Variants in SPANXN1 observed in about 807,000 individuals in gnomAD.
SPANXN1 encodes the protein SPANX family member N1, also known as sperm protein associated with the nucleus on the X chromosome N1.
A neutral mutation model predicts 2.0 loss-of-function variants in SPANXN1; 1 was observed. That is an observed-to-expected ratio of 0.50 (90% CI 0.18 to 2.36). The LOEUF is 2.36. Ranked by LOEUF, SPANXN1 falls within the 30% of genes most tolerant of loss-of-function variation. The pLI, the probability that SPANXN1 is intolerant of heterozygous loss-of-function variation, is 0.26. For missense variants in SPANXN1, 55 were observed against 51.8 expected, an observed-to-expected ratio of 1.06 and a Z score of -0.19; for synonymous variants, 27 against 21.3, an observed-to-expected ratio of 1.27 and a Z score of -0.74.
intron 1 of SPANXN1, among the ~76,000 whole-genome samples, chrX:145,248,798 G>A (rs182150483): frequency 1.8e-3 from 195 of 111,425 alleles, no homozygotes; most frequent in Non-Finnish European, 2.8e-3. Context: ...GAGAGAGAGG[G>A]GGAAATGGGT....
intron 1 of SPANXN1, among the ~76,000 whole-genome samples, chrX:145,251,416 T>C (rs2070785268): frequency 1.8e-5 from 2 of 111,728 alleles, no homozygotes; most frequent in African/African-American, 6.5e-5. Flanking sequence ...GCAATAGTAA[T>C]GTGTTGGTAA....
At position 145,249,743 on chromosome X, in the gene SPANXN1, G is replaced by GC. The variant is rs1189544479; in HGVS notation, c.75+2082_75+2083insC. ...AGAACCCCTCCACTTAGGTTGGAGA[G>GC]GGAGGAGGAGGAGTCTGTGATTCAG... On this transcript the variant is annotated intron_variant, in intron 1 of 1. Transcript: ENST00000370493. Among the ~76,000 whole-genome samples, 526 of 110,541 alleles carry GC rather than the reference G, an allele frequency of 4.8e-3. 3 individuals are homozygous for GC. Among genetic ancestry groups the GC allele is most frequent in the African/African-American group, 0.016 (476 of 30,323 alleles).
intron 1 of SPANXN1, 99 bp downstream of exon 1, chrX:145,247,760 T>G: frequency 1.0e-6 from 1 of 981,298 alleles, no homozygotes; most frequent in Non-Finnish European, 1.4e-6. Flanking sequence ...CAGACACCTG[T>G]GGAAGTGGGA....
At chrX:145,250,099 C>T (rs782673218) in intron 1 of SPANXN1, among the ~76,000 whole-genome samples, 6 of 110,850 alleles carry the variant, frequency 5.4e-5, no homozygotes, top group South Asian at 3.8e-4. Context: ...CCTGAAGATT[C>T]GGAGTGGTAA....
At chrX:145,255,190 T>G (rs1292341344) in intron 1 of SPANXN1, among the ~76,000 whole-genome samples, 2 of 111,608 alleles carry the variant, frequency 1.8e-5, no homozygotes, top group African/African-American at 6.5e-5. Context: ...CTTACAGGTA[T>G]GGGTGGGAGG....
At chrX:145,253,280 G>C (rs2070793615) in intron 1 of SPANXN1, among the ~76,000 whole-genome samples, 1 of 111,004 alleles carries the variant, frequency 9.0e-6, no homozygotes, top group Non-Finnish European at 1.9e-5. Context: ...TGTATGCCTT[G>C]GGAACCCTGT....
At chrX:145,248,552 G>T (rs1394896188) in intron 1 of SPANXN1, among the ~76,000 whole-genome samples, 1 of 111,998 alleles carries the variant, frequency 8.9e-6, no homozygotes, top group Admixed American at 9.5e-5. Flanking sequence ...TGGATGGTCT[G>T]CTTGTTAGGC....
intron 1 of SPANXN1, among the ~76,000 whole-genome samples, chrX:145,248,864 T>C (rs1395767394): frequency 9.0e-6 from 1 of 111,065 alleles, no homozygotes; most frequent in African/African-American, 3.3e-5. Context: ...CAGGTTGCAG[T>C]TGAGGGAATT....
At chrX:145,247,735 A>G (rs1486660996) in intron 1 of SPANXN1, 74 bp downstream of exon 1, 85 of 1,061,117 alleles carry the variant, frequency 8.0e-5, no homozygotes, top group Non-Finnish European at 1.1e-4. Context: ...CTCAAACAGC[A>G]ACACAGGAAT....
chrX:145,251,975 T>A (rs1344934294), intron 1 of SPANXN1, among the ~76,000 whole-genome samples: 2 of 111,190 alleles, frequency 1.8e-5, no homozygotes, highest in Non-Finnish European at 3.8e-5. Context: ...TACCTGAGAT[T>A]TTGTGGGTTA....
chrX:145,252,369 T>C (rs782264189), intron 1 of SPANXN1, among the ~76,000 whole-genome samples: 57 of 110,907 alleles, frequency 5.1e-4, no homozygotes, highest in African/African-American at 1.8e-3. Flanking sequence ...ACCAGATGGA[T>C]TGGTACCACT....
intron 1 of SPANXN1, among the ~76,000 whole-genome samples, chrX:145,248,705 C>G (rs782047939): frequency 1.2e-4 from 13 of 112,065 alleles, no homozygotes; most frequent in Non-Finnish European, 1.5e-4. Flanking sequence ...CCTCCAAGTT[C>G]AATAGCTGCC....
At chrX:145,248,084 G>A (rs2070769635) in intron 1 of SPANXN1, among the ~76,000 whole-genome samples, 1 of 111,818 alleles carries the variant, frequency 8.9e-6, no homozygotes, top group African/African-American at 3.3e-5. Context: ...AAAATAGCAG[G>A]GTGCTTACTA....
Position 145,255,892 on chromosome X carries a change from A to C in SPANXN1, c.*78A>C. ...CTGAAGGATCTTCAAAGCAGGATGA[A>C]GACCTAGACTTACCTGAAGGCCTAG... On this transcript the variant is annotated 3_prime_UTR_variant, in exon 2 of 2. Transcript: ENST00000370493. The C allele has an allele frequency of 1.7e-6, 2 of 1,206,331 alleles. No individual in the cohort carries two copies. Among genetic ancestry groups the C allele is most frequent in the Non-Finnish European group, 2.2e-6 (2 of 890,909 alleles).
chrX:145,252,979 C>T (rs1358428359), intron 1 of SPANXN1, among the ~76,000 whole-genome samples: 1 of 111,134 alleles, frequency 9.0e-6, no homozygotes, highest in Non-Finnish European at 1.9e-5. Context: ...TATTGAGCAT[C>T]CAATAGGAAA....
At chrX:145,250,033 C>A (rs1377165619) in intron 1 of SPANXN1, among the ~76,000 whole-genome samples, 3 of 111,207 alleles carry the variant, frequency 2.7e-5, no homozygotes, top group Non-Finnish European at 5.7e-5. Flanking sequence ...GAAGTGAAGT[C>A]CAGGCCATTT....
chrX:145,248,778 C>T lies in SPANXN1; in HGVS notation c.75+1117C>T, dbSNP rs781876632. ...TTGGTGGTGGAGGAGGTGAAGGCTG[C>T]TTGGTTTTGGAGAGAGAGGGGGAAA... On this transcript the variant is annotated intron_variant, in intron 1 of 1. Coordinates refer to ENST00000370493, the MANE Select transcript of SPANXN1 (RefSeq NM_001009614.3). Among the ~76,000 whole-genome samples, 871 of 111,129 alleles carry T rather than the reference C, an allele frequency of 7.8e-3. 4 individuals are homozygous for T. The highest frequency in any genetic ancestry group is 0.022 in the African/African-American group (675 of 30,504).
chrX:145,254,960 G>A (rs1480729207), intron 1 of SPANXN1, among the ~76,000 whole-genome samples: 3 of 111,030 alleles, frequency 2.7e-5, no homozygotes, highest in Admixed American at 9.5e-5. Context: ...GCTGCTTTTC[G>A]CTTTCTGGGT....
intron 1 of SPANXN1, among the ~76,000 whole-genome samples, chrX:145,253,453 G>A (rs1556882708): frequency 9.0e-6 from 1 of 110,672 alleles, no homozygotes. Context: ...TTTTTCAAAT[G>A]TCTGGGGCTG....
Sources: allele counts gnomAD v4.1 joint callset (sites outside exome capture counted in the v4.1 genomes callset), GRCh38; gene constraint gnomAD v4.1.1; transcripts MANE v1.5; gene names NCBI Gene and HGNC (gene_info 2026-07-23, HGNC 2026-07-21).